The following ANKRD30B variants were observed in gnomAD, a reference collection of about 807,000 sequenced individuals.
ANKRD30B encodes the protein ankyrin repeat domain-containing protein 30B.
ANKRD30B carries 144 observed loss-of-function variants against 202.2 expected under a neutral mutation model. The ratio of observed to expected loss-of-function variants is 0.71; its 90% CI spans 0.62 to 0.82. The LOEUF (loss-of-function observed/expected upper bound fraction) is 0.82, where lower values mean the gene tolerates loss of function less well. ANKRD30B is among the 40% of genes least tolerant of loss of function. The probability of loss-of-function intolerance (pLI) is 0.00; values close to 1 mark genes in which losing one functional copy is unlikely to be tolerated. For missense variants in ANKRD30B, 1,487 were observed against 1,669.1 expected (o/e 0.89, Z 1.90); for synonymous variants, 508 against 561.3 (o/e 0.91, Z 1.34).
the ANKRD30B span, among the ~76,000 whole-genome samples, chr18:14,865,435 T>G: frequency 6.6e-6 from 1 of 151,348 alleles, no homozygotes; most frequent in African/African-American, 2.4e-5. Flanking sequence ...CTTCTTTCCC[T>G]TTCTTCTCTC....
chr18:14,766,333 C>T (rs1209075865), intron 7 of ANKRD30B, among the ~76,000 whole-genome samples: 4 of 151,174 alleles, frequency 2.6e-5, no homozygotes, highest in East Asian at 3.9e-4. Flanking sequence ...ATTAGCTGGG[C>T]GTGGTGGTAG....
At chr18:14,879,895 A>T in the ANKRD30B span, among the ~76,000 whole-genome samples, 1 of 152,088 alleles carries the variant, frequency 6.6e-6, no homozygotes, top group Non-Finnish European at 1.5e-5. Context: ...ATTAAGTCCC[A>T]GCTATTTATC....
rs182789312 is a variant in ANKRD30B at position 14,846,175 on chromosome 18, G to A, written c.3182-2541G>A. On this transcript the variant is annotated intron_variant, in intron 39 of 43. Coordinates refer to ENST00000690538, the MANE Select transcript of ANKRD30B (RefSeq NM_001367607.2). ...AAAGCTTTATTTAAGTGCTGTTGTA[G>A]ATGCATTTTACAATATCTAATGTGC... Among the ~76,000 whole-genome samples the A allele has an allele frequency of 3.7e-3, 565 of 151,712 alleles. 3 individuals are homozygous for A. The highest frequency in any genetic ancestry group is 3.3e-3 in the Non-Finnish European group (221 of 67,902).
At chr18:14,788,509 G>A (rs1414205970) in intron 15 of ANKRD30B, among the ~76,000 whole-genome samples, 2 of 152,022 alleles carry the variant, frequency 1.3e-5, no homozygotes, top group African/African-American at 2.4e-5. Context: ...TCGTCATTTA[G>A]CATTAGTTAT....
the ANKRD30B span, among the ~76,000 whole-genome samples, chr18:14,875,172 C>T: frequency 6.6e-6 from 1 of 152,164 alleles, no homozygotes; most frequent in Admixed American, 6.5e-5. Flanking sequence ...AGAGCAGTCA[C>T]AGGTCTCCAC....
At chr18:14,939,651 G>C in the ANKRD30B span, among the ~76,000 whole-genome samples, 1 of 152,246 alleles carries the variant, frequency 6.6e-6, no homozygotes, top group African/African-American at 2.4e-5. Context: ...GAGGCAGGAA[G>C]TCCCACTGTA....
chr18:14,806,543 G>C (rs148877751), intron 24 of ANKRD30B, among the ~76,000 whole-genome samples: 2,750 of 150,416 alleles, frequency 0.018, 114 homozygotes, highest in Middle Eastern at 0.041. Flanking sequence ...AACGAAGGTA[G>C]TATTTCCCTG....
At position 14,831,073 on chromosome 18, in the gene ANKRD30B, G is replaced by A. The variant is rs1413582371; in HGVS notation, c.2775-310G>A. Among the ~76,000 whole-genome samples the A allele has an allele frequency of 3.3e-5, 5 of 151,118 alleles. No homozygotes were observed. In the South Asian group the frequency reaches 8.3e-4, roughly 25 times the overall value. On this transcript the variant is annotated intron_variant, in intron 33 of 43. Transcript: ENST00000690538. ...GGCGGGCTCCAGCCCCAGCTACTGG[G>A]GAGGCTGAGGCAGGAGAATGGCATG...
the ANKRD30B span, among the ~76,000 whole-genome samples, chr18:14,932,577 A>G: frequency 2.0e-5 from 3 of 152,170 alleles, no homozygotes; most frequent in African/African-American, 7.2e-5. Flanking sequence ...AGACCTCGTG[A>G]TCCGCCCGCT....
chr18:14,754,149 T>C (rs1392627739), intron 3 of ANKRD30B, among the ~76,000 whole-genome samples: 2 of 152,158 alleles, frequency 1.3e-5, no homozygotes, highest in Non-Finnish European at 2.9e-5. Context: ...CCAATCTCTT[T>C]TGATTTAGAG....
chr18:14,880,306 A>G, the ANKRD30B span, among the ~76,000 whole-genome samples: 1 of 152,232 alleles, frequency 6.6e-6, no homozygotes, highest in African/African-American at 2.4e-5. Context: ...GTTTGAAATC[A>G]AGTAATGTGA....
At chr18:14,783,552 G>A (rs951016572) in intron 12 of ANKRD30B, among the ~76,000 whole-genome samples, 1 of 151,962 alleles carries the variant, frequency 6.6e-6, no homozygotes, top group Non-Finnish European at 1.5e-5. Flanking sequence ...CACCAAATCA[G>A]ACAAATTGTA....
At position 14,818,362 on chromosome 18, in the gene ANKRD30B, T is replaced by A. The variant is rs1446560344; in HGVS notation, c.2641+3651T>A. ...TTGATACTTTCATATTAGGTGTTTT[T>A]TCTTTTTTTTAATTATACTTTAAGT... On this transcript the variant is annotated intron_variant, in intron 30 of 43. Coordinates refer to ENST00000690538, the MANE Select transcript of ANKRD30B (RefSeq NM_001367607.2). Among the ~76,000 whole-genome samples the A allele has an allele frequency of 2.6e-5, 4 of 152,242 alleles. No individual in the cohort carries two copies. In the South Asian group the frequency reaches 8.3e-4, roughly 32 times the overall value.
the ANKRD30B span, among the ~76,000 whole-genome samples, chr18:14,880,426 G>A: frequency 7.0e-4 from 106 of 151,016 alleles, no homozygotes; most frequent in Middle Eastern, 3.4e-3. Context: ...AATGACGGTG[G>A]TATTCAGATG....
At chr18:14,926,605 C>T in the ANKRD30B span, among the ~76,000 whole-genome samples, 1 of 152,110 alleles carries the variant, frequency 6.6e-6, no homozygotes, top group Non-Finnish European at 1.5e-5. Context: ...AAGTAACTTA[C>T]AAATATTTTA....
chr18:14,758,005 G>T (rs1357671580), intron 5 of ANKRD30B, 53 bp downstream of exon 5: 27 of 1,518,170 alleles, frequency 1.8e-5, no homozygotes, highest in Non-Finnish European at 2.3e-5. Flanking sequence ...GTTTCAGGGA[G>T]TTTTTGAAAG....
chr18:14,769,243 A>G, intron 7 of ANKRD30B, 100 bp from the exon 8 acceptor site: 1 of 903,642 alleles, frequency 1.1e-6, no homozygotes, highest in Non-Finnish European at 1.7e-6. Flanking sequence ...AGTAGCTGGG[A>G]TTACAGGCAT....
the ANKRD30B span, among the ~76,000 whole-genome samples, chr18:14,922,395 C>A: frequency 6.6e-6 from 1 of 152,110 alleles, no homozygotes; most frequent in East Asian, 1.9e-4. Flanking sequence ...GTGGCTCATG[C>A]CTGTAATCCT....
intron 15 of ANKRD30B, among the ~76,000 whole-genome samples, chr18:14,790,419 A>G (rs1968405894): frequency 6.6e-6 from 1 of 152,114 alleles, no homozygotes; most frequent in Non-Finnish European, 1.5e-5. Flanking sequence ...AGAACTTACA[A>G]CACTATGTTG....
Sources: gnomAD v4.1 joint callset for allele counts (sites outside exome capture counted in the v4.1 genomes callset) on GRCh38, gnomAD v4.1.1 for gene constraint, MANE v1.5 for transcripts, NCBI Gene and HGNC (gene_info 2026-07-23, HGNC 2026-07-21) for gene names.